Variants in ZFHX3 observed in about 807,000 individuals in gnomAD.
ZFHX3 encodes the protein zinc finger homeobox 3, also known as zinc finger homeobox protein 3.
A neutral mutation model predicts 279.1 loss-of-function variants in ZFHX3; 42 were observed. The observed-to-expected ratio is 0.15, with a 90% CI of 0.12 to 0.19. The LOEUF (loss-of-function observed/expected upper bound fraction) is 0.19. ZFHX3 is among the 10% of genes least tolerant of loss of function. The pLI is 1.00. For synonymous variants in ZFHX3, 2,293 were observed against 1,957.8 expected, an observed-to-expected ratio of 1.17 and a Z score of -4.52; for missense variants, 4,981 against 4,754.0, an observed-to-expected ratio of 1.05 and a Z score of -1.40.
chr16:73,772,309 G>T (rs1229223332), intron 1 of ZFHX3, among the ~76,000 whole-genome samples: 1 of 152,190 alleles, frequency 6.6e-6, no homozygotes, highest in African/African-American at 2.4e-5. Context: ...GGAAGGCAAG[G>T]CGGAGCAAGT....
chr16:73,636,365 T>C (rs1317438084), intron 2 of ZFHX3, among the ~76,000 whole-genome samples: 1 of 152,216 alleles, frequency 6.6e-6, no homozygotes, highest in Non-Finnish European at 1.5e-5. Flanking sequence ...TTAATTTTAT[T>C]GTATTACTAA....
At chr16:72,945,874 C>A (rs138409206) in intron 3 of ZFHX3, among the ~76,000 whole-genome samples, 1 of 152,044 alleles carries the variant, frequency 6.6e-6, no homozygotes, top group Non-Finnish European at 1.5e-5. Flanking sequence ...GCACCACCTA[C>A]GGACGTAAAA....
intron 2 of ZFHX3, among the ~76,000 whole-genome samples, chr16:73,644,739 C>A (rs2052603435): frequency 2.0e-5 from 3 of 152,172 alleles, no homozygotes; most frequent in Admixed American, 2.0e-4. Context: ...ATCTCCAGGA[C>A]TGCACGCATT....
chr16:73,531,384 C>A (rs1427330778), intron 2 of ZFHX3, among the ~76,000 whole-genome samples: 1 of 152,136 alleles, frequency 6.6e-6, no homozygotes, highest in Admixed American at 6.5e-5. Context: ...TCTTATGCGA[C>A]AATTTTTATG....
intron 2 of ZFHX3, among the ~76,000 whole-genome samples, chr16:73,530,192 A>C (rs976902986): frequency 6.6e-6 from 1 of 152,166 alleles, no homozygotes; most frequent in Non-Finnish European, 1.5e-5. Flanking sequence ...AACCAAGTGA[A>C]AGGGTTTCCC....
chr16:72,926,423 G>C (rs749901828), intron 3 of ZFHX3, among the ~76,000 whole-genome samples: 3 of 152,302 alleles, frequency 2.0e-5, no homozygotes, highest in Middle Eastern at 3.4e-3. Context: ...AAACACTTGT[G>C]TGTATTACAA....
intron 2 of ZFHX3, among the ~76,000 whole-genome samples, chr16:73,468,095 A>G (rs536751578): frequency 1.8e-4 from 28 of 152,336 alleles, no homozygotes; most frequent in African/African-American, 6.7e-4. Flanking sequence ...GACAGTCCCA[A>G]ACAACTGACT....
intron 3 of ZFHX3, among the ~76,000 whole-genome samples, chr16:72,906,794 T>G (rs1003377115): frequency 6.6e-6 from 1 of 152,010 alleles, no homozygotes; most frequent in Non-Finnish European, 1.5e-5. Context: ...CGAGACTCTG[T>G]CCACCCCCCT....
intron 2 of ZFHX3, among the ~76,000 whole-genome samples, chr16:73,600,122 T>C (rs1023438447): frequency 1.3e-5 from 2 of 152,192 alleles, no homozygotes; most frequent in Admixed American, 6.5e-5. Flanking sequence ...GAATGTAGGA[T>C]GCCTTGCAGT....
chr16:72,889,996 G>A (rs954990408), intron 3 of ZFHX3, 34 bp from the exon 4 acceptor site: 12 of 1,587,784 alleles, frequency 7.6e-6, no homozygotes, highest in African/African-American at 1.3e-5. Context: ...CATGCCTTGG[G>A]TAAGCCACTC....
At chr16:73,334,868 G>A (rs4011589) in intron 3 of ZFHX3, among the ~76,000 whole-genome samples, 92,544 of 128,182 alleles carry the variant, frequency 0.72, 32,885 homozygotes, top group African/African-American at 0.79. Flanking sequence ...TCTGCTTGAC[G>A]TAAGAACTTT....
chr16:72,899,941 T>G (rs1018874016), intron 3 of ZFHX3, among the ~76,000 whole-genome samples: 5 of 152,066 alleles, frequency 3.3e-5, no homozygotes, highest in Non-Finnish European at 5.9e-5. Flanking sequence ...CAACCAACCC[T>G]CACTCCTCCC....
At chr16:73,025,641 TGCAGGTCTG>T (rs1337934359) in intron 1 of ZFHX3, among the ~76,000 whole-genome samples, 3 of 152,126 alleles carry the variant, frequency 2.0e-5, no homozygotes, top group African/African-American at 7.2e-5. Context: ...ACCCCTGGGC[TGCAGGTCTG>T]GCATCTGGCC....
intron 1 of ZFHX3, among the ~76,000 whole-genome samples, chr16:73,032,639 G>A (rs2144679659): frequency 6.6e-6 from 1 of 151,972 alleles, no homozygotes; most frequent in East Asian, 2.0e-4. Context: ...ACAGATGGGG[G>A]CCTCCCAACA....
At chr16:73,138,403 G>C (rs1176343356) in intron 6 of ZFHX3, among the ~76,000 whole-genome samples, 2 of 152,172 alleles carry the variant, frequency 1.3e-5, no homozygotes, top group Admixed American at 1.3e-4. Context: ...CGGTCAGAGG[G>C]TCAGGGGATG....
At chr16:73,473,533 G>A (rs1051386435) in intron 2 of ZFHX3, among the ~76,000 whole-genome samples, 1 of 151,992 alleles carries the variant, frequency 6.6e-6, no homozygotes, top group Non-Finnish European at 1.5e-5. Context: ...CGACTCATTC[G>A]AATTATATGA....
chr16:72,873,486 T>G (rs913290748), intron 4 of ZFHX3, among the ~76,000 whole-genome samples: 4 of 152,232 alleles, frequency 2.6e-5, no homozygotes, highest in Non-Finnish European at 4.4e-5. Context: ...TCTTGATGAA[T>G]CCGTACCACC....
At chr16:73,575,154 C>A (rs1029166963) in intron 2 of ZFHX3, among the ~76,000 whole-genome samples, 2 of 152,166 alleles carry the variant, frequency 1.3e-5, no homozygotes, top group African/African-American at 4.8e-5. Context: ...TCCTACCCAC[C>A]CCATAACATA....
In ZFHX3 at chr16:73,512,309, A is replaced by T. The variant is rs2019445656; in HGVS notation, c.-1546-56051T>A. On this transcript the variant is annotated intron_variant, in intron 2 of 17. Coordinates refer to the ZFHX3 transcript ENST00000641206. ...AAAAAAAAAAAAAAATTAGCTGGGCATGGTGGTGCGTGTCTGTAGTCCCAG... is the reference window on the plus strand; with the variant it reads ...AAAAAAAAAAAAAAATTAGCTGGGCTTGGTGGTGCGTGTCTGTAGTCCCAG... Among the ~76,000 whole-genome samples, 3 of 147,710 alleles carry T rather than the reference A, an allele frequency of 2.0e-5. No homozygotes were observed. In the South Asian group the frequency reaches 6.5e-4, roughly 32 times the overall value.
Sources: gnomAD v4.1 joint callset for allele counts (sites outside exome capture counted in the v4.1 genomes callset) on GRCh38, gnomAD v4.1.1 for gene constraint, MANE v1.5 for transcripts, NCBI Gene and HGNC (gene_info 2026-07-23, HGNC 2026-07-21) for gene names.